The following LRRC40 variants were observed in gnomAD, a reference collection of about 807,000 sequenced individuals.
LRRC40 encodes leucine-rich repeat-containing protein 40.
LRRC40 carries 76 observed loss-of-function variants against 72.8 expected under a neutral mutation model. The observed-to-expected ratio is 1.04, with a 90% CI of 0.87 to 1.26. The LOEUF (loss-of-function observed/expected upper bound fraction) is 1.26. LRRC40 is among the 50% of genes most tolerant of loss of function. LRRC40 has a pLI of 0.00. For synonymous variants in LRRC40, 243 were observed against 254.2 expected (o/e 0.96, Z 0.42); for missense variants, 684 against 698.9 (o/e 0.98, Z 0.24).
intron 4 of LRRC40, among the ~76,000 whole-genome samples, chr1:70,183,754 A>G (rs1325527331): frequency 6.6e-6 from 1 of 151,882 alleles, no homozygotes; most frequent in Non-Finnish European, 1.5e-5. Flanking sequence ...GTTTTTTGCC[A>G]TGTTTTCCAG....
chr1:70,182,218 C>T (rs546347074), intron 4 of LRRC40, among the ~76,000 whole-genome samples: 91 of 151,978 alleles, frequency 6.0e-4, no homozygotes, highest in African/African-American at 2.1e-3. Context: ...ATACTAAAAA[C>T]TCTAAGAATC....
At chr1:70,173,134 A>G (rs539332172) in intron 9 of LRRC40, among the ~76,000 whole-genome samples, 2 of 152,180 alleles carry the variant, frequency 1.3e-5, no homozygotes, top group South Asian at 2.1e-4. Context: ...TTTCTAGTCA[A>G]TAGAACCCAT....
intron 1 of LRRC40, among the ~76,000 whole-genome samples, chr1:70,193,869 C>CA (rs905448135): frequency 2.6e-5 from 4 of 151,692 alleles, no homozygotes; most frequent in Non-Finnish European, 5.9e-5. Flanking sequence ...TGTTGAGATA[C>CA]AAAAAAAGCA....
At position 70,184,777 on chromosome 1, in the gene LRRC40, G is replaced by T; in HGVS notation, c.537+8C>A. 6.3e-7 allele frequency: 1 copy of T among 1,593,138 alleles called. No individual in the cohort carries two copies. Among genetic ancestry groups the T allele is most frequent in the South Asian group, 1.2e-5 (1 of 86,382 alleles). On this transcript the variant is annotated splice_region_variant and intron_variant, in intron 4 of 14. Transcript: ENST00000370952. ...AAATTGTACAAAAATTGGAAAATCA[G>T]AACTTACTAAATCTTCTAAATTGGA...
chr1:70,203,606 G>T (rs545450488), intron 1 of LRRC40, among the ~76,000 whole-genome samples: 1 of 152,286 alleles, frequency 6.6e-6, no homozygotes, highest in Admixed American at 6.5e-5. Flanking sequence ...CAGCAATGGT[G>T]AATTTTTACT....
intron 14 of LRRC40, 39 bp from the exon 15 acceptor site, chr1:70,145,944 C>A (rs1299371755): frequency 1.0e-6 from 1 of 993,894 alleles, no homozygotes. Context: ...AAACATTTTC[C>A]ATTAACAAGG....
chr1:70,189,394 T>C, intron 1 of LRRC40, 121 bp from the exon 2 acceptor site: 1 of 813,568 alleles, frequency 1.2e-6, no homozygotes, highest in Non-Finnish European at 1.8e-6. Context: ...AAAAACATTT[T>C]CTAAAACAAA....
intron 1 of LRRC40, among the ~76,000 whole-genome samples, chr1:70,193,175 GAAAC>G (rs562935181): frequency 8.5e-4 from 129 of 151,012 alleles, no homozygotes; most frequent in Admixed American, 2.1e-3. Flanking sequence ...CAATGAGAGA[GAAAC>G]AAACAGAGAA....
intron 9 of LRRC40, among the ~76,000 whole-genome samples, chr1:70,162,046 T>C (rs1288037996): frequency 2.0e-5 from 3 of 152,148 alleles, no homozygotes; most frequent in South Asian, 2.1e-4. Flanking sequence ...TTCTTTTCAA[T>C]AGTAGAAGAA....
chr1:70,148,523 T>C lies in LRRC40; in HGVS notation c.1667A>G (p.Gln556Arg). The change falls in exon 14 of 15, where the codon CAA becomes CGA. Residue 556 changes from glutamine to arginine, a missense_variant. By Grantham distance (43) the Gln-to-Arg change is conservative. Transcript: ENST00000370952. ...TLDLQNNDLL[Q>R]IPPELGNCVN... ...ACAATTACCGAGCTCTGGTGGAATT[T>C]GTAAGAGGTCATTATTTTGAAGGTC... is the stretch of plus-strand genomic sequence containing the variant. The C allele has an allele frequency of 1.2e-6, 2 of 1,613,482 alleles. No homozygotes were observed. The highest frequency in any genetic ancestry group is 1.7e-6 in the Non-Finnish European group (2 of 1,179,610).
chr1:70,199,275 C>A (rs1257759453), intron 1 of LRRC40, among the ~76,000 whole-genome samples: 1 of 148,932 alleles, frequency 6.7e-6, no homozygotes, highest in Non-Finnish European at 1.5e-5. Context: ...AAAACCTCCA[C>A]AACATTAACA....
At chr1:70,196,701 T>C (rs890351064) in intron 1 of LRRC40, among the ~76,000 whole-genome samples, 1 of 152,142 alleles carries the variant, frequency 6.6e-6, no homozygotes, top group Non-Finnish European at 1.5e-5. Context: ...TTAATCTACA[T>C]TGACAAAAAG....
chr1:70,172,870 G>A (rs187618079), intron 9 of LRRC40, among the ~76,000 whole-genome samples: 1 of 151,922 alleles, frequency 6.6e-6, no homozygotes, highest in East Asian at 1.9e-4. Flanking sequence ...TTGTTTCTTA[G>A]CATAGCACTC....
At chr1:70,179,084 T>G (rs1668184477) in intron 5 of LRRC40, 91 bp from the exon 6 acceptor site, 1 of 609,154 alleles carries the variant, frequency 1.6e-6, no homozygotes, top group East Asian at 3.0e-5. Flanking sequence ...AAGAAATCGC[T>G]ATGAGGACTT....
intron 10 of LRRC40, among the ~76,000 whole-genome samples, chr1:70,156,023 G>A (rs1176470603): frequency 1.1e-4 from 16 of 151,898 alleles, no homozygotes; most frequent in African/African-American, 3.9e-4. Flanking sequence ...CATTTTCTGG[G>A]CATTCATATA....
intron 5 of LRRC40, among the ~76,000 whole-genome samples, chr1:70,180,843 T>C (rs1486958453): frequency 2.6e-5 from 4 of 152,166 alleles, no homozygotes; most frequent in Admixed American, 6.5e-5. Flanking sequence ...TATATAATCC[T>C]ACTACAACGA....
At chr1:70,157,117 A>G (rs1033655469) in intron 10 of LRRC40, among the ~76,000 whole-genome samples, 1 of 152,230 alleles carries the variant, frequency 6.6e-6, no homozygotes, top group South Asian at 2.1e-4. Flanking sequence ...AAAACATTAC[A>G]TATAATGTAT....
intron 12 of LRRC40, among the ~76,000 whole-genome samples, 168 bp from the exon 13 acceptor site, chr1:70,151,373 G>A (rs989746657): frequency 5.9e-5 from 9 of 152,168 alleles, no homozygotes; most frequent in Non-Finnish European, 7.4e-5. Context: ...GTCACCTACC[G>A]CAGTTATTCG....
rs761124498 is a variant in LRRC40 at position 70,205,529 on chromosome 1, C to T, written c.12G>A (p.Leu4=). The T allele has an allele frequency of 6.3e-7, 1 of 1,596,034 alleles. No homozygotes were observed. The highest frequency in any genetic ancestry group is 1.1e-5 in the South Asian group (1 of 89,678). The change falls in exon 1 of 15, where the codon CTG becomes CTA. Residue 4 remains leucine, a synonymous_variant. Transcript: ENST00000370952. MSR[L]KRIAGQDLRA... The stretch of plus-strand genomic sequence containing the variant: ...GGAGATCCTGCCCCGCTATCCGCTT[C>T]AGGCGCGACATGTTCAAAGTCCTAG...
Sources: gnomAD v4.1 joint callset for allele counts (sites outside exome capture counted in the v4.1 genomes callset) on GRCh38, gnomAD v4.1.1 for gene constraint, MANE v1.5 for transcripts, NCBI Gene and HGNC (gene_info 2026-07-23, HGNC 2026-07-21) for gene names.